The following IGLL5 variants were observed in gnomAD, a reference collection of about 807,000 sequenced individuals.
IGLL5 encodes immunoglobulin lambda like polypeptide 5.
Under a neutral mutation model 20.9 loss-of-function variants are expected in IGLL5, and 30 were observed. The ratio of observed to expected loss-of-function variants is 1.44; its 90% CI spans 1.07 to 1.95. The LOEUF is 1.95. Among genes scored for constraint, IGLL5 ranks in the 30% most tolerant of loss-of-function variants. The pLI is 0.00. For synonymous variants in IGLL5, 203 were observed against 117.3 expected (o/e 1.73, Z -4.72); for missense variants, 475 against 270.7 (o/e 1.75, Z -5.30).
chr22:22,888,183 G>C lies in IGLL5; in HGVS notation c.130G>C (p.Ala44Pro), dbSNP rs749763264. 4.5e-6 allele frequency: 7 copies of C among 1,548,896 alleles called. No individual in the cohort carries two copies. Among genetic ancestry groups the C allele is most frequent in the South Asian group, 3.6e-5 (3 of 83,966 alleles). ...CCATGGCCTGCTGCGCCCAATGGTT[G>C]CACCGCAAAGCGGGGACCCAGACCC... ...VAHGLLRPMV[A>P]PQSGDPDPGA... The change falls in exon 1 of 3, where the codon GCA (alanine) becomes CCA (proline). Residue 44 changes from alanine to proline, a missense_variant. Transcript: ENST00000526893.
chr22:22,888,555 A>T (rs1409985281), intron 1 of IGLL5, among the ~76,000 whole-genome samples: 1 of 151,346 alleles, frequency 6.6e-6, no homozygotes, highest in Non-Finnish European at 1.5e-5. Flanking sequence ...TGGGTAGGGA[A>T]GGAACAGAGG....
intron 1 of IGLL5, among the ~76,000 whole-genome samples, chr22:22,888,589 GT>G: frequency 6.6e-6 from 1 of 151,376 alleles, no homozygotes; most frequent in East Asian, 2.0e-4. Flanking sequence ...TCCACAGGGG[GT>G]GGTGGCCACT....
In IGLL5 at chr22:22,888,075, G is replaced by A. The variant is rs571799774; in HGVS notation, c.22G>A (p.Val8Met). MRPKTGQ[V>M]GCETPEELGP... ...GCCAATGAGACCCAAGACAGGCCAA[G>A]TGGGTTGTGAGACCCCTGAGGAGCT... Residue 8 changes from valine to methionine, a missense_variant, in exon 1 of 3, where the codon GTG becomes ATG. Transcript: ENST00000526893. The A allele has an allele frequency of 1.3e-6, 2 of 1,549,298 alleles. No homozygotes were observed. The highest frequency in any genetic ancestry group is 1.7e-6 in the Non-Finnish European group (2 of 1,146,554).
At chr22:22,894,487 G>C (rs555341524) in intron 2 of IGLL5, among the ~76,000 whole-genome samples, 4 of 151,498 alleles carry the variant, frequency 2.6e-5, no homozygotes, top group Middle Eastern at 3.7e-3. Context: ...GTCTCTTAGG[G>C]CAGAGATGTG....
chr22:22,888,556 G>A (rs146118968), intron 1 of IGLL5, among the ~76,000 whole-genome samples: 8 of 151,356 alleles, frequency 5.3e-5, no homozygotes, highest in South Asian at 2.1e-4. Context: ...GGGTAGGGAA[G>A]GAACAGAGGC....
intron 1 of IGLL5, among the ~76,000 whole-genome samples, chr22:22,889,353 T>G (rs563757786): frequency 6.6e-6 from 1 of 151,100 alleles, no homozygotes; most frequent in African/African-American, 2.4e-5. Context: ...GCATTAAAAA[T>G]GTATAACCAT....
chr22:22,888,746 C>G (rs533191915), intron 1 of IGLL5, among the ~76,000 whole-genome samples: 2 of 151,326 alleles, frequency 1.3e-5, no homozygotes, highest in Admixed American at 6.6e-5. Context: ...CACCAACTTG[C>G]ACATAAATGC....
At chr22:22,894,143 A>T (rs559361987) in intron 2 of IGLL5, among the ~76,000 whole-genome samples, 1 of 151,368 alleles carries the variant, frequency 6.6e-6, no homozygotes, top group Admixed American at 6.6e-5. Flanking sequence ...GTCCTTAGGG[A>T]CATTGCCCAG....
chr22:22,893,966 T>G (rs142096728), intron 2 of IGLL5, 148 bp downstream of exon 2: 11 of 688,868 alleles, frequency 1.6e-5, no homozygotes, highest in East Asian at 5.3e-5. Context: ...AGGAGGTGCA[T>G]TAGTCTCCGG....
intron 1 of IGLL5, among the ~76,000 whole-genome samples, chr22:22,888,853 T>G (rs543192942): frequency 2.6e-5 from 4 of 151,238 alleles, no homozygotes; most frequent in South Asian, 4.2e-4. Flanking sequence ...TTTGGAGCAA[T>G]AAAGGGAGAG....
rs201696268 is a variant in IGLL5 at position 22,895,357 on chromosome 22, C to T, written c.326-18C>T. The stretch of plus-strand genomic sequence containing the variant: ...GTATTCTGTCTGCCCTCTCTCACCC[C>T]CTTCCCTGTCCACACAGGTCAGCCC... On this transcript the variant is annotated intron_variant, in intron 2 of 2. Transcript: ENST00000526893. The T allele has an allele frequency of 5.0e-6, 8 of 1,609,778 alleles. No homozygotes were observed. The African/African-American group carries it at 6.7e-5, about 13-fold the overall frequency.
At chr22:22,889,468 C>G in intron 1 of IGLL5, among the ~76,000 whole-genome samples, 1 of 151,296 alleles carries the variant, frequency 6.6e-6, no homozygotes. Flanking sequence ...ATAATCAAAG[C>G]TGTAACCAAA....
At chr22:22,893,941 C>T (rs1601622009) in intron 2 of IGLL5, 123 bp downstream of exon 2, 5 of 754,908 alleles carry the variant, frequency 6.6e-6, no homozygotes, top group South Asian at 3.0e-5. Flanking sequence ...CCTTACCTTT[C>T]TCCATGGGGC....
chr22:22,890,258 C>T, intron 1 of IGLL5, among the ~76,000 whole-genome samples: 1 of 149,272 alleles, frequency 6.7e-6, no homozygotes, highest in Non-Finnish European at 1.5e-5. Context: ...TAGCCACTGT[C>T]AGGTTGGTCA....
At position 22,894,169 on chromosome 22, in the gene IGLL5, A is replaced by G. The variant is rs568876016; in HGVS notation, c.325+351A>G. ...CATTGCCCAGTGACTCCTGGGGTCAAGGACAGAGGCTGCTGGGGTGGGCCT... is the reference window on the plus strand; with the variant it reads ...CATTGCCCAGTGACTCCTGGGGTCAGGGACAGAGGCTGCTGGGGTGGGCCT... On this transcript the variant is annotated intron_variant, in intron 2 of 2. Transcript: ENST00000526893. Among the ~76,000 whole-genome samples, 16 of 151,448 alleles carry G rather than the reference A, an allele frequency of 1.1e-4. 1 individual carries two copies. Among genetic ancestry groups the G allele is most frequent in the East Asian group, 8.1e-4 (4 of 4,948 alleles).
intron 1 of IGLL5, among the ~76,000 whole-genome samples, chr22:22,890,270 T>A (rs1168048476): frequency 2.0e-5 from 3 of 149,696 alleles, no homozygotes; most frequent in South Asian, 2.2e-4. Context: ...GGTTGGTCAA[T>A]ATACTTCCAG....
At position 22,888,219 on chromosome 22, in the gene IGLL5, G is replaced by T. The variant is rs531309531; in HGVS notation, c.166G>T (p.Val56Phe). The T allele has an allele frequency of 1.9e-6, 3 of 1,548,276 alleles. No homozygotes were observed. The highest frequency in any genetic ancestry group is 2.0e-5 in the Admixed American group (1 of 50,758). The change falls in exon 1 of 3, where the codon GTT (valine) becomes TTT (phenylalanine). Residue 56 changes from valine (V) to phenylalanine (F), a missense_variant. Transcript: ENST00000526893. Reference protein sequence around the residue: ...QSGDPDPGASVGSSRSSLRSL... With the variant: ...QSGDPDPGASFGSSRSSLRSL... ...CGGGGACCCAGACCCTGGAGCCTCA[G>T]TTGGAAGCAGCCGATCCAGCCTGCG... is the stretch of plus-strand genomic sequence containing the variant.
At position 22,893,025 on chromosome 22, in the gene IGLL5, T is replaced by C. The variant is rs1242455841; in HGVS notation, c.207-675T>C. ...TAACCAGAGAGATTTGAGGGAGAGATGAGGCTGAGAGCCAGGGGATCCTGC... is the reference window on the plus strand; with the variant it reads ...TAACCAGAGAGATTTGAGGGAGAGACGAGGCTGAGAGCCAGGGGATCCTGC... On this transcript the variant is annotated intron_variant, in intron 1 of 2. Coordinates refer to ENST00000526893, the MANE Select transcript of IGLL5 (RefSeq NM_001178126.2). Among the ~76,000 whole-genome samples, 14 of 151,038 alleles carry C rather than the reference T, an allele frequency of 9.3e-5. 1 individual carries two copies. Among genetic ancestry groups the C allele is most frequent in the African/African-American group, 3.2e-4 (13 of 41,196 alleles).
intron 1 of IGLL5, among the ~76,000 whole-genome samples, chr22:22,890,722 C>T (rs752023105): frequency 2.0e-5 from 3 of 150,830 alleles, no homozygotes; most frequent in Non-Finnish European, 2.9e-5. Flanking sequence ...TGTGTCCACT[C>T]ACTCCGGTGA....
Sources: gnomAD v4.1 joint callset for allele counts (sites outside exome capture counted in the v4.1 genomes callset) on GRCh38, gnomAD v4.1.1 for gene constraint, MANE v1.5 for transcripts, NCBI Gene and HGNC (gene_info 2026-07-23, HGNC 2026-07-21) for gene names.